The following SLCO3A1 variants were observed in gnomAD, a reference collection of about 807,000 sequenced individuals.
SLCO3A1 encodes the protein PGE1 transporter.
In SLCO3A1, 27 loss-of-function variants were observed where a neutral mutation model predicts 63.1. The observed-to-expected ratio is 0.43, with a 90% confidence interval of 0.32 to 0.59. SLCO3A1 has a LOEUF of 0.59. Ranked by LOEUF, SLCO3A1 falls within the 20% of genes least tolerant of loss-of-function variation. SLCO3A1 has a pLI of 0.09. For synonymous variants in SLCO3A1, 473 were observed against 409.9 expected (o/e 1.15, Z -1.86); for missense variants, 773 against 945.8 (o/e 0.82, Z 2.40).
Position 92,164,410 on chromosome 15 carries a change from T to C in SLCO3A1, c.*1275T>C. On this transcript the variant is annotated 3_prime_UTR_variant, in exon 10 of 10. Coordinates refer to ENST00000318445, the MANE Select transcript of SLCO3A1 (RefSeq NM_013272.4). The stretch of plus-strand genomic sequence containing the variant: ...GGGATAATGTGATGAATTGCAAATT[T>C]GCCTTTTAGCTTCCTTCCCCATGAT... The C allele has an allele frequency of 1.0e-6, 1 of 985,484 alleles. No individual in the cohort carries two copies. The highest frequency in any genetic ancestry group is 1.2e-6 in the Non-Finnish European group (1 of 829,938). The allele number at this position is 985,484 out of a possible 1,614,324, so 61.0% of individuals were successfully genotyped here. A position where few individuals can be genotyped will look rare whatever the true frequency, so the allele number is the denominator to read the frequency against.
chr15:92,001,827 CTTTTTTTTTTTT>C (rs59951621), intron 2 of SLCO3A1, among the ~76,000 whole-genome samples: 21 of 80,106 alleles, frequency 2.6e-4, no homozygotes, highest in Admixed American at 4.1e-4. Context: ...TGTGTGAGTT[CTTTTTTTTTTTT>C]TTTTTTTTTT....
intron 2 of SLCO3A1, among the ~76,000 whole-genome samples, chr15:91,933,743 A>T (rs965258808): frequency 3.2e-4 from 49 of 152,214 alleles, no homozygotes; most frequent in African/African-American, 1.1e-3. Context: ...CTCATTCTGT[A>T]GGTGAGGCAA....
chr15:91,893,539 T>G (rs1365944337), intron 1 of SLCO3A1, among the ~76,000 whole-genome samples: 3 of 152,178 alleles, frequency 2.0e-5, no homozygotes, highest in Non-Finnish European at 4.4e-5. Context: ...ATAAGGGCAC[T>G]AATCCCATTC....
chr15:92,056,174 TC>T (rs144962479), intron 2 of SLCO3A1, among the ~76,000 whole-genome samples: 2,378 of 152,296 alleles, frequency 0.016, 64 homozygotes, highest in African/African-American at 0.054. Flanking sequence ...CTTCCTTCTT[TC>T]CCCTTTATTT....
At position 92,072,991 on chromosome 15, in the gene SLCO3A1, A is replaced by G. The variant is rs79179382; in HGVS notation, c.647-21890A>G. On this transcript the variant is annotated intron_variant, in intron 2 of 9. Coordinates refer to ENST00000318445, the MANE Select transcript of SLCO3A1 (RefSeq NM_013272.4). ...AGAGAGAAAGGGGAGAGCTCTGCTT[A>G]TATCATTATCACATTGTCAGGACCT... Among the ~76,000 whole-genome samples, 6 of 152,280 alleles carry G rather than the reference A, an allele frequency of 3.9e-5. No homozygotes were observed. In the East Asian group the frequency reaches 7.7e-4, roughly 20 times the overall value.
intron 2 of SLCO3A1, among the ~76,000 whole-genome samples, chr15:91,964,817 G>T (rs1300590950): frequency 2.0e-5 from 3 of 151,948 alleles, no homozygotes; most frequent in Admixed American, 6.6e-5. Flanking sequence ...TTGCGATGAA[G>T]AAGTGGCAGC....
intron 1 of SLCO3A1, among the ~76,000 whole-genome samples, chr15:91,914,724 A>G (rs1735371871): frequency 6.6e-6 from 1 of 152,028 alleles, no homozygotes; most frequent in Admixed American, 6.6e-5. Context: ...GGTATGCACC[A>G]CCACGCCTCG....
chr15:92,101,248 C>T (rs1232268988), intron 3 of SLCO3A1, among the ~76,000 whole-genome samples: 5 of 152,174 alleles, frequency 3.3e-5, no homozygotes, highest in African/African-American at 4.8e-5. Context: ...GTGGTTCACA[C>T]CTGTAATCTC....
chr15:91,857,094 G>C (rs1236853143), intron 1 of SLCO3A1, among the ~76,000 whole-genome samples: 1 of 151,618 alleles, frequency 6.6e-6, no homozygotes, highest in South Asian at 2.1e-4. Context: ...GAAAATGTGT[G>C]TGTGTGTCTG....
chr15:92,031,964 C>T (rs919901023), intron 2 of SLCO3A1, among the ~76,000 whole-genome samples: 2 of 152,090 alleles, frequency 1.3e-5, no homozygotes, highest in Non-Finnish European at 1.5e-5. Flanking sequence ...TAGGAATTTT[C>T]GAGCCTCAGT....
rs143273370 is a variant in SLCO3A1, at chr15:91,947,939, C to G, written c.646+31481C>G. Among the ~76,000 whole-genome samples, 311 of 152,282 alleles carry G rather than the reference C, an allele frequency of 2.0e-3. 2 individuals carry two copies. Among genetic ancestry groups the G allele is most frequent in the African/African-American group, 7.0e-3 (291 of 41,540 alleles). On this transcript the variant is annotated intron_variant, in intron 2 of 9. Coordinates refer to ENST00000318445, the MANE Select transcript of SLCO3A1 (RefSeq NM_013272.4). ...TCCCCTTTGGCCCCCGTGCAGGTGACCGAAAGTGACTGCAGCCCAGTTAGC... is the reference window on the plus strand; with the variant it reads ...TCCCCTTTGGCCCCCGTGCAGGTGAGCGAAAGTGACTGCAGCCCAGTTAGC...
intron 2 of SLCO3A1, among the ~76,000 whole-genome samples, chr15:91,936,845 C>T (rs1042824882): frequency 6.6e-6 from 1 of 152,164 alleles, no homozygotes; most frequent in African/African-American, 2.4e-5. Context: ...GAGGACATTC[C>T]TGAGTTCGAT....
intron 2 of SLCO3A1, among the ~76,000 whole-genome samples, chr15:91,920,860 G>A (rs535648878): frequency 3.9e-5 from 6 of 152,254 alleles, no homozygotes; most frequent in South Asian, 2.1e-4. Flanking sequence ...ATGGGTAGGC[G>A]GATGGTATCT....
chr15:92,128,990 G>C (rs530431668), intron 7 of SLCO3A1, among the ~76,000 whole-genome samples: 2 of 152,286 alleles, frequency 1.3e-5, no homozygotes, highest in East Asian at 3.9e-4. Flanking sequence ...TTTGGGAGGA[G>C]GTGGGTTGCT....
Position 91,941,301 on chromosome 15 carries a change from G to A in SLCO3A1, c.646+24843G>A. On this transcript the variant is annotated intron_variant, in intron 2 of 9. Transcript: ENST00000318445. The surrounding 1 kb of genome is among the most constrained non-coding windows in gnomAD (Gnocchi z 4.4). ...GGGGCAGGGCGGGGCTCGGCTGGGG[G>A]GTGGGAGAGAGACACTGAATCAGTG... 1.9e-5 allele frequency: 5 copies of A among 269,790 alleles called. No homozygotes were observed. The highest frequency in any genetic ancestry group is 1.8e-4 in the South Asian group (5 of 28,384). The allele number at this position is 269,790 out of a possible 1,614,324, so 16.7% of individuals were successfully genotyped here. A position where few individuals can be genotyped will look rare whatever the true frequency, so the allele number is the denominator to read the frequency against.
At chr15:92,146,925 CT>C in intron 7 of SLCO3A1, 58 bp from the exon 8 acceptor site, 1 of 1,497,162 alleles carries the variant, frequency 6.7e-7, no homozygotes, top group African/African-American at 1.4e-5. Context: ...TGATGGATGG[CT>C]TTGCCTTTGG....
At chr15:91,881,442 C>A (rs564632688) in intron 1 of SLCO3A1, among the ~76,000 whole-genome samples, 2 of 152,214 alleles carry the variant, frequency 1.3e-5, no homozygotes, top group African/African-American at 4.8e-5. Context: ...AGTGATTTGA[C>A]ATTGCTCTTT....
At chr15:91,926,607 A>ACGCG (rs150359710) in intron 2 of SLCO3A1, among the ~76,000 whole-genome samples, 1 of 135,582 alleles carries the variant, frequency 7.4e-6, no homozygotes, top group Non-Finnish European at 1.6e-5. Flanking sequence ...GCGCGCGCGC[A>ACGCG]CGCCCATGCT....
Position 92,035,886 on chromosome 15 carries a change from T to A in SLCO3A1, c.647-58995T>A, listed in dbSNP as rs577404716. On this transcript the variant is annotated intron_variant, in intron 2 of 9. Transcript: ENST00000318445. Reference sequence around the variant, plus strand: ...ACAGAAGTTTTGGGTGGTACCACAATTTGGGTCCCTGGAGGCTGGTCCCAT... The same window carrying A: ...ACAGAAGTTTTGGGTGGTACCACAAATTGGGTCCCTGGAGGCTGGTCCCAT... 1.2e-3 allele frequency among the ~76,000 whole-genome samples: 183 copies of A among 151,908 alleles called. 6 individuals are homozygous for A. Among genetic ancestry groups the A allele is most frequent in the Admixed American group, 3.9e-3 (59 of 15,220 alleles).
Sources: gnomAD v4.1 joint callset for allele counts (sites outside exome capture counted in the v4.1 genomes callset) on GRCh38, gnomAD v4.1.1 for gene constraint, Gnocchi (gnomAD v3.1) non-coding constraint, MANE v1.5 for transcripts, NCBI Gene and HGNC (gene_info 2026-07-23, HGNC 2026-07-21) for gene names.